The following ELAC2 variants were observed in gnomAD, a reference collection of about 807,000 sequenced individuals.
The protein encoded by ELAC2 is elaC ribonuclease Z 2.
Under a neutral mutation model 105.2 loss-of-function variants are expected in ELAC2, and 92 were observed. That is an observed-to-expected ratio of 0.87 (90% CI 0.74 to 1.04). The LOEUF (loss-of-function observed/expected upper bound fraction) is 1.04. Ranked by LOEUF, ELAC2 falls within the 50% of genes least tolerant of loss-of-function variation. The pLI is 0.00. For synonymous variants in ELAC2, 468 were observed against 409.1 expected (o/e 1.14, Z -1.74); for missense variants, 1,099 against 1,071.7 (o/e 1.03, Z -0.36).
At position 12,991,715 on chromosome 17, in the gene ELAC2, G is replaced by A. The variant is rs2040163065; in HGVS notation, c.*1103C>T. On this transcript the variant is annotated 3_prime_UTR_variant, in exon 24 of 24. Coordinates refer to ENST00000338034, the MANE Select transcript of ELAC2 (RefSeq NM_018127.7). The stretch of plus-strand genomic sequence containing the variant: ...TCAATCTCAAATGCACACCGGGATG[G>A]AGCCTGAAGGTCACCACCTGTGTAA... The A allele has an allele frequency of 4.7e-6, 1 of 211,198 alleles. No homozygotes were observed. Among genetic ancestry groups the A allele is most frequent in the Non-Finnish European group, 9.6e-6 (1 of 103,826 alleles). 13.1% of individuals were successfully genotyped at this position (211,198 alleles called of 1,614,324 possible). A position where few individuals can be genotyped will look rare whatever the true frequency, so the allele number is the denominator to read the frequency against.
intron 20 of ELAC2, 21 bp from the exon 21 acceptor site, chr17:12,994,905 G>GGCTCTGCA: frequency 6.2e-7 from 1 of 1,614,104 alleles, no homozygotes. Flanking sequence ...GGGGCTGGAG[G>GGCTCTGCA]GCTCTGCAGC....
chr17:12,997,794 A>G (rs2040550834), intron 16 of ELAC2, among the ~76,000 whole-genome samples: 1 of 152,204 alleles, frequency 6.6e-6, no homozygotes, highest in South Asian at 2.1e-4. Context: ...TTCACATACT[A>G]TCTGTAGAGA....
intron 17 of ELAC2, 84 bp downstream of exon 17, chr17:12,996,463 G>A: frequency 6.2e-7 from 1 of 1,601,442 alleles, no homozygotes; most frequent in Non-Finnish European, 8.5e-7. Context: ...TTTGGAAGCG[G>A]AGGAAAAGAC....
chr17:13,011,495 C>T (rs894640453), intron 7 of ELAC2, among the ~76,000 whole-genome samples, 168 bp downstream of exon 7: 10 of 152,172 alleles, frequency 6.6e-5, no homozygotes, highest in African/African-American at 2.4e-4. Context: ...GCCACCTTTA[C>T]AACAACCCTT....
chr17:13,011,249 G>C (rs2041394744), intron 7 of ELAC2, among the ~76,000 whole-genome samples: 1 of 152,056 alleles, frequency 6.6e-6, no homozygotes, highest in Non-Finnish European at 1.5e-5. Context: ...TTTCCCAGTG[G>C]GCTGTCATTC....
chr17:12,994,982 C>T lies in ELAC2; in HGVS notation c.1889G>A (p.Arg630Gln), dbSNP rs755317820. The T allele has an allele frequency of 2.2e-5, 36 of 1,614,052 alleles. No homozygotes were observed. The highest frequency in any genetic ancestry group is 2.9e-5 in the Non-Finnish European group (34 of 1,180,044). ...CCTTACCTCTTCCAAATCACATGTTCGCAACAGCGAACTGATCAATCTTTC... is the reference window on the plus strand; with the variant it reads ...CCTTACCTCTTCCAAATCACATGTTTGCAACAGCGAACTGATCAATCTTTC... ...AVERLISSLL[R>Q]TCDLEEFQTC... Residue 630 changes from arginine to glutamine, a missense_variant, in exon 20 of 24, where the codon CGA becomes CAA. Physicochemically the swap from Arg to Gln is conservative, Grantham distance 43 (BLOSUM62 1). Coordinates refer to ENST00000338034, the MANE Select transcript of ELAC2 (RefSeq NM_018127.7).
Position 12,994,306 on chromosome 17 carries a change from T to A in ELAC2, c.2108+119A>T, listed in dbSNP as rs1457636441. 5.2e-6 allele frequency: 6 copies of A among 1,144,560 alleles called. No homozygotes were observed. The South Asian group carries it at 7.3e-5, about 14-fold the overall frequency. 70.9% of individuals were successfully genotyped at this position (1,144,560 alleles called of 1,614,324 possible). ...CTGCCACAGGTCAAGGAAGCCCCCA[T>A]AGCCCTTGATAGGAAGCAGGGCAGC... On this transcript the variant is annotated intron_variant, in intron 22 of 23. Transcript: ENST00000338034.
At chr17:13,017,677 G>A (rs750459908) in intron 1 of ELAC2, 26 bp downstream of exon 1, 4 of 1,613,374 alleles carry the variant, frequency 2.5e-6, no homozygotes, top group East Asian at 2.2e-5. Flanking sequence ...GGGCCCAGCG[G>A]GACGGGGCGT....
chr17:13,003,619 C>T (rs201492087), intron 11 of ELAC2, 45 bp from the exon 12 acceptor site: 5 of 1,565,304 alleles, frequency 3.2e-6, no homozygotes, highest in Non-Finnish European at 4.4e-6. Context: ...AGACTCAGGA[C>T]ACACCAAGAC....
At position 13,005,064 on chromosome 17, in the gene ELAC2, C is replaced by G. The variant is rs188256643; in HGVS notation, c.908G>C (p.Gly303Ala). ...AEELCTPPDPGAAFVVVECPD... is the reference protein window; with the variant it reads ...AEELCTPPDPAAAFVVVECPD... ...ACATTCTACCACCACAAAAGCAGCA[C>G]CAGGATCTGGAGGAGTACACAGCTC... The change falls in exon 11 of 24, where the codon GGT becomes GCT. Residue 303 changes from glycine (G) to alanine (A), a missense_variant. Physicochemically the swap from Gly to Ala is moderately conservative, Grantham distance 60. Transcript: ENST00000338034. 3.7e-6 allele frequency: 6 copies of G among 1,614,080 alleles called. No individual in the cohort carries two copies. In the Admixed American group the frequency reaches 8.3e-5, roughly 22 times the overall value.
At chr17:13,014,572 G>A in intron 4 of ELAC2, 76 bp from the exon 5 acceptor site, 2 of 1,047,134 alleles carry the variant, frequency 1.9e-6, no homozygotes, top group Admixed American at 3.4e-5. Flanking sequence ...TATTTAAAAG[G>A]TTACCAATAG....
chr17:12,995,200 GA>G (rs752421143), intron 19 of ELAC2, 138 bp from the exon 20 acceptor site: 1 of 944,232 alleles, frequency 1.1e-6, no homozygotes, highest in Non-Finnish European at 1.7e-6. Flanking sequence ...CTATGATGAG[GA>G]AACAGCAGTC....
Position 12,993,821 on chromosome 17 carries a change from G to A in ELAC2, c.2119C>T (p.Gln707Ter). 1 of 1,614,184 alleles carries A rather than the reference G, an allele frequency of 6.2e-7. No homozygotes were observed. Among genetic ancestry groups the A allele is most frequent in the South Asian group, 1.1e-5 (1 of 91,088 alleles). The part of the protein sequence containing the change: ...AVEKTHSTTS[Q>*]AISVGMRMNA... ...ATCCGCATCCCCACGCTGATGGCTT[G>A]GGACGTTGTGCTGCAGGTGAAGGAC... Residue 707 changes from glutamine to a stop codon, truncating the protein, a stop_gained, in exon 23 of 24, where the codon CAA becomes TAA. Coordinates refer to ENST00000338034, the MANE Select transcript of ELAC2 (RefSeq NM_018127.7). LOFTEE classifies it high-confidence loss of function.
chr17:13,000,251 G>C lies in ELAC2; in HGVS notation c.1328C>G (p.Pro443Arg), dbSNP rs1567751424. 6.2e-7 allele frequency: 1 copy of C among 1,614,090 alleles called. No homozygotes were observed. Among genetic ancestry groups the C allele is most frequent in the Non-Finnish European group, 8.5e-7 (1 of 1,180,030 alleles). Residue 443 changes from proline to arginine, a missense_variant, in exon 15 of 24, where the codon CCT (proline) becomes CGT (arginine). Transcript: ENST00000338034. ...WQRDAIITCN[P>R]EEFIVEALQL... ...CAGCGCCTCAACTATGAATTCCTCA[G>C]GATTGCAAGTAATAATGGCATCCCT...
At chr17:12,993,257 G>A (rs1030055220) in intron 23 of ELAC2, among the ~76,000 whole-genome samples, 2 of 152,226 alleles carry the variant, frequency 1.3e-5, no homozygotes, top group African/African-American at 4.8e-5. Context: ...AAGGGCCTCC[G>A]GAGAGGGAAG....
Position 12,992,674 on chromosome 17 carries a change from C to T in ELAC2, c.*144G>A, listed in dbSNP as rs1253331904. 1.4e-5 allele frequency: 14 copies of T among 976,256 alleles called. No individual in the cohort carries two copies. The highest frequency in any genetic ancestry group is 3.1e-6 in the Non-Finnish European group (2 of 649,512). The allele number at this position is 976,256 out of a possible 1,614,324, so 60.5% of individuals were successfully genotyped here. ...ACTAGTGCTTATGTGGGAGCCCAAGCCTCGGCACAGCTCCATACCACCTAT... is the reference window on the plus strand; with the variant it reads ...ACTAGTGCTTATGTGGGAGCCCAAGTCTCGGCACAGCTCCATACCACCTAT... On this transcript the variant is annotated 3_prime_UTR_variant, in exon 24 of 24. Coordinates refer to ENST00000338034, the MANE Select transcript of ELAC2 (RefSeq NM_018127.7).
intron 14 of ELAC2, among the ~76,000 whole-genome samples, chr17:13,001,055 C>T (rs1357135011): frequency 6.6e-6 from 1 of 152,126 alleles, no homozygotes; most frequent in East Asian, 1.9e-4. Flanking sequence ...CCTGTGGGCC[C>T]GAGTCTTGCT....
chr17:13,007,424 A>C (rs1178608403), intron 8 of ELAC2, among the ~76,000 whole-genome samples: 1 of 152,252 alleles, frequency 6.6e-6, no homozygotes, highest in Non-Finnish European at 1.5e-5. Context: ...ATCTTAAAAA[A>C]TATCATCCTA....
At chr17:13,016,666 G>A (rs2143689678) in intron 3 of ELAC2, among the ~76,000 whole-genome samples, 196 bp downstream of exon 3, 1 of 150,152 alleles carries the variant, frequency 6.7e-6, no homozygotes, top group Middle Eastern at 3.5e-3. Flanking sequence ...TGTGGTCCCA[G>A]CTATTTGGGA....
Sources: gnomAD v4.1 joint callset for allele counts (sites outside exome capture counted in the v4.1 genomes callset) on GRCh38, gnomAD v4.1.1 for gene constraint, MANE v1.5 for transcripts, NCBI Gene and HGNC (gene_info 2026-07-23, HGNC 2026-07-21) for gene names.